Variants in SUMF1 observed in about 807,000 individuals in gnomAD.
SUMF1 encodes the protein formylglycine-generating enzyme.
Under a neutral mutation model 47.6 loss-of-function variants are expected in SUMF1, and 48 were observed. The observed-to-expected ratio is 1.01, with a 90% confidence interval of 0.80 to 1.28. The LOEUF is 1.28. Among genes scored for constraint, SUMF1 ranks in the 50% most tolerant of loss-of-function variants. The pLI is 0.00. For missense variants in SUMF1, 571 were observed against 485.4 expected (o/e 1.18, Z -1.66); for synonymous variants, 230 against 192.1 (o/e 1.20, Z -1.63).
intron 8 of SUMF1, among the ~76,000 whole-genome samples, chr3:4,077,103 G>C (rs1692455950): frequency 6.6e-6 from 1 of 152,108 alleles, no homozygotes; most frequent in African/African-American, 2.4e-5. Flanking sequence ...AAACCACACT[G>C]AGATACCATC....
At chr3:4,418,238 C>T (rs1428135994) in intron 4 of SUMF1, 106 bp from the exon 5 acceptor site, 2 of 1,514,790 alleles carry the variant, frequency 1.3e-6, no homozygotes, top group African/African-American at 1.4e-5. Flanking sequence ...ATCTGTGACA[C>T]TGAGGTCATC....
chr3:4,128,123 C>G (rs1388370264), intron 8 of SUMF1, among the ~76,000 whole-genome samples: 2 of 152,114 alleles, frequency 1.3e-5, no homozygotes, highest in Non-Finnish European at 2.9e-5. Context: ...GAAGCAGATA[C>G]TGAGCTTCAA....
Position 4,393,292 on chromosome 3 carries a change from A to T in SUMF1, c.955-16903T>A, listed in dbSNP as rs182049972. 2.1e-4 allele frequency among the ~76,000 whole-genome samples: 32 copies of T among 152,220 alleles called. No homozygotes were observed. In the East Asian group the frequency reaches 5.2e-3, roughly 25 times the overall value. On this transcript the variant is annotated intron_variant, in intron 7 of 8. Transcript: ENST00000272902. The stretch of plus-strand genomic sequence containing the variant: ...CTGAATCAAGTCAATCTTTGGCTGT[A>T]AGGCTTTGGTTTTCGCCACCAGTCC...
chr3:4,186,243 A>G (rs1695198137), intron 8 of SUMF1, among the ~76,000 whole-genome samples: 1 of 152,194 alleles, frequency 6.6e-6, no homozygotes, highest in Non-Finnish European at 1.5e-5. Context: ...ATCCACAAGA[A>G]GAGAATCAGA....
intron 8 of SUMF1, among the ~76,000 whole-genome samples, chr3:4,171,996 G>A (rs1485720793): frequency 6.6e-6 from 1 of 152,116 alleles, no homozygotes; most frequent in Non-Finnish European, 1.5e-5. Context: ...GTATGTTTTA[G>A]AAAGATCACA....
At chr3:4,394,685 T>C (rs1700985094) in intron 7 of SUMF1, among the ~76,000 whole-genome samples, 1 of 152,016 alleles carries the variant, frequency 6.6e-6, no homozygotes, top group African/African-American at 2.4e-5. Flanking sequence ...GACAGAAGAG[T>C]AGCAATAGCC....
chr3:4,463,006 T>G (rs905833055), intron 1 of SUMF1, among the ~76,000 whole-genome samples: 11 of 152,246 alleles, frequency 7.2e-5, no homozygotes, highest in African/African-American at 2.7e-4. Context: ...TTTACAAATG[T>G]TTCTTGAAAA....
At chr3:4,139,490 C>A (rs1274961100) in intron 8 of SUMF1, among the ~76,000 whole-genome samples, 1 of 151,558 alleles carries the variant, frequency 6.6e-6, no homozygotes, top group Non-Finnish European at 1.5e-5. Context: ...GCACATCTTT[C>A]ATGTTGATAA....
At chr3:4,136,235 G>C (rs1220299656) in intron 8 of SUMF1, among the ~76,000 whole-genome samples, 1 of 152,038 alleles carries the variant, frequency 6.6e-6, no homozygotes, top group Admixed American at 6.6e-5. Context: ...ATACTACAAG[G>C]CTACAGTAAC....
intron 8 of SUMF1, among the ~76,000 whole-genome samples, chr3:4,353,848 T>C (rs1312850663): frequency 6.9e-6 from 1 of 144,842 alleles, no homozygotes; most frequent in Non-Finnish European, 1.5e-5. Flanking sequence ...TCATATTGAT[T>C]TTCATTTGTT....
At chr3:4,456,710 A>G in intron 1 of SUMF1, among the ~76,000 whole-genome samples, 1 of 138,702 alleles carries the variant, frequency 7.2e-6, no homozygotes, top group African/African-American at 2.7e-5. Context: ...ATATACGTAT[A>G]TATATACATA....
chr3:4,447,478 T>G (rs1014796729), intron 3 of SUMF1, among the ~76,000 whole-genome samples: 1 of 152,080 alleles, frequency 6.6e-6, no homozygotes, highest in African/African-American at 2.4e-5. Context: ...TCAGTGAGAT[T>G]GGAGGCTTGC....
chr3:4,328,530 A>G (rs11489090), intron 8 of SUMF1, among the ~76,000 whole-genome samples: 4,203 of 152,262 alleles, frequency 0.028, 175 homozygotes, highest in African/African-American at 0.093. Context: ...TGCAAATAAA[A>G]TCATCAGATC....
intron 8 of SUMF1, among the ~76,000 whole-genome samples, chr3:4,113,665 GA>G (rs1414465083): frequency 6.6e-6 from 1 of 151,984 alleles, no homozygotes; most frequent in Non-Finnish European, 1.5e-5. Context: ...AATACTAAGA[GA>G]AAATACTAAA....
chr3:4,307,166 G>A (rs1197567589), intron 8 of SUMF1, among the ~76,000 whole-genome samples: 1 of 152,128 alleles, frequency 6.6e-6, no homozygotes, highest in Admixed American at 6.5e-5. Flanking sequence ...TAATTCAGAG[G>A]CCCAGGTTTT....
intron 3 of SUMF1, among the ~76,000 whole-genome samples, chr3:4,437,319 T>C (rs181507818): frequency 9.9e-4 from 151 of 152,258 alleles, no homozygotes; most frequent in Non-Finnish European, 1.1e-3. Flanking sequence ...GTTAATGGAA[T>C]AATAAATGTT....
intron 3 of SUMF1, 57 bp from the exon 4 acceptor site, chr3:4,420,203 A>G (rs1701846414): frequency 2.2e-6 from 3 of 1,386,638 alleles, no homozygotes; most frequent in Non-Finnish European, 3.1e-6. Context: ...CTAGAAAAAT[A>G]TCAACTCAGT....
intron 8 of SUMF1, among the ~76,000 whole-genome samples, chr3:4,285,919 A>G (rs1453339296): frequency 6.6e-6 from 1 of 152,176 alleles, no homozygotes; most frequent in Non-Finnish European, 1.5e-5. Flanking sequence ...TCATTAATTC[A>G]AGCTAATAGT....
At chr3:4,323,181 CATA>C (rs1242092321) in intron 8 of SUMF1, among the ~76,000 whole-genome samples, 18 of 152,184 alleles carry the variant, frequency 1.2e-4, no homozygotes, top group African/African-American at 4.3e-4. Context: ...ATTGTTTGGT[CATA>C]ATATTATTTG....
Sources: gnomAD v4.1 joint callset for allele counts (sites outside exome capture counted in the v4.1 genomes callset) on GRCh38, gnomAD v4.1.1 for gene constraint, MANE v1.5 for transcripts, NCBI Gene and HGNC (gene_info 2026-07-23, HGNC 2026-07-21) for gene names.